NUP133: variants seen among roughly 807,000 people sequenced by gnomAD.
NUP133 encodes nuclear pore complex protein Nup133.
Under a neutral mutation model 146.2 loss-of-function variants are expected in NUP133, and 66 were observed. That is an observed-to-expected ratio of 0.45 (90% CI 0.37 to 0.55). NUP133 has a LOEUF of 0.55. Ranked by LOEUF, NUP133 falls within the 20% of genes least tolerant of loss-of-function variation. NUP133 has a pLI of 0.00. For missense variants in NUP133, 1,277 were observed against 1,374.8 expected (o/e 0.93, Z 1.12); for synonymous variants, 521 against 498.8 (o/e 1.04, Z -0.59).
intron 12 of NUP133, 141 bp downstream of exon 12, chr1:229,483,913 A>G (rs751237215): frequency 6.1e-5 from 36 of 592,890 alleles, no homozygotes; most frequent in Non-Finnish European, 1.0e-4. Context: ...ACAGTTTATT[A>G]AAGTGCTAAA....
At chr1:229,492,175 C>G (rs547967201) in intron 8 of NUP133, among the ~76,000 whole-genome samples, 6 of 150,838 alleles carry the variant, frequency 4.0e-5, no homozygotes, top group African/African-American at 1.5e-4. Context: ...GGCGTGATCT[C>G]GGCTCACTGC....
At chr1:229,453,826 T>G (rs912916843) in intron 21 of NUP133, among the ~76,000 whole-genome samples, 13 of 152,248 alleles carry the variant, frequency 8.5e-5, no homozygotes, top group Non-Finnish European at 7.3e-5. Context: ...TGATAAATTT[T>G]AACTTTTTAT....
At chr1:229,482,883 A>C (rs1661251949) in intron 12 of NUP133, among the ~76,000 whole-genome samples, 1 of 152,216 alleles carries the variant, frequency 6.6e-6, no homozygotes, top group South Asian at 2.1e-4. Context: ...ACAGGAATAG[A>C]GAGCGAGCTG....
intron 16 of NUP133, 107 bp from the exon 17 acceptor site, chr1:229,465,626 GGCCAGGAAT>G: frequency 1.2e-6 from 1 of 826,738 alleles, no homozygotes; most frequent in Non-Finnish European, 2.0e-6. Flanking sequence ...AATACTCAGG[GGCCAGGAAT>G]GTTGGCTCAC....
At position 229,463,577 on chromosome 1, in the gene NUP133, C is replaced by A. The variant is rs370204608; in HGVS notation, c.2651G>T (p.Arg884Leu). ...AAACTGGGTCATGTAGCGCTGGAGT[C>A]GGCTCTGGTTGTCAGTCTGCTCACA... ...QMCEQTDNQS[R>L]LQRYMTQFAD... Residue 884 changes from arginine (R) to leucine (L), a missense_variant, in exon 19 of 26, where the codon CGA becomes CTA. This residue lies in a region of NUP133 where 952 missense variants were observed against 1,047.0 expected (regional missense o/e 0.91). Transcript: ENST00000261396. The A allele has an allele frequency of 3.1e-6, 5 of 1,613,908 alleles. No homozygotes were observed. The highest frequency in any genetic ancestry group is 4.2e-6 in the Non-Finnish European group (5 of 1,180,000).
At chr1:229,498,994 G>A (rs1661728815) in intron 5 of NUP133, among the ~76,000 whole-genome samples, 1 of 152,056 alleles carries the variant, frequency 6.6e-6, no homozygotes, top group Non-Finnish European at 1.5e-5. Context: ...AATCTCCTGG[G>A]CTCAAGAGAT....
intron 2 of NUP133, among the ~76,000 whole-genome samples, chr1:229,502,577 A>AAAAG (rs1661831767): frequency 3.3e-5 from 5 of 150,738 alleles, no homozygotes; most frequent in African/African-American, 9.8e-5. Flanking sequence ...AAAAAAAAAA[A>AAAAG]AAAGAAAGAA....
chr1:229,502,123 G>C, intron 2 of NUP133, 21 bp from the exon 3 acceptor site: 1 of 1,555,682 alleles, frequency 6.4e-7, no homozygotes, highest in Non-Finnish European at 8.9e-7. Context: ...AAATGAGGTG[G>C]GTGATTAATC....
At chr1:229,494,178 A>C (rs1401064643) in intron 8 of NUP133, among the ~76,000 whole-genome samples, 1 of 152,194 alleles carries the variant, frequency 6.6e-6, no homozygotes, top group African/African-American at 2.4e-5. Context: ...ATATGCCCAT[A>C]GTGGGCTGTC....
At chr1:229,455,119 C>T (rs1660532839) in intron 21 of NUP133, among the ~76,000 whole-genome samples, 1 of 152,078 alleles carries the variant, frequency 6.6e-6, no homozygotes, top group East Asian at 1.9e-4. Flanking sequence ...ATATCCACTC[C>T]CTCAAAAGGA....
chr1:229,457,758 T>C (rs1353330736), intron 21 of NUP133, among the ~76,000 whole-genome samples: 1 of 152,232 alleles, frequency 6.6e-6, no homozygotes, highest in African/African-American at 2.4e-5. Flanking sequence ...CCAACTGTAC[T>C]ATATGTAATC....
chr1:229,475,925 T>C (rs1661063916), intron 13 of NUP133, among the ~76,000 whole-genome samples, 193 bp from the exon 14 acceptor site: 1 of 152,010 alleles, frequency 6.6e-6, no homozygotes, highest in African/African-American at 2.4e-5. Flanking sequence ...CTGGCAAACA[T>C]GGTGAAACCC....
At chr1:229,470,996 A>T (rs1216060207) in intron 14 of NUP133, among the ~76,000 whole-genome samples, 192 bp from the exon 15 acceptor site, 1 of 152,142 alleles carries the variant, frequency 6.6e-6, no homozygotes, top group Non-Finnish European at 1.5e-5. Context: ...AACACCCACA[A>T]GGAAATGTAG....
rs187284726 is a variant in NUP133, at chr1:229,482,952, C to A, written c.1592+1102G>T. Among the ~76,000 whole-genome samples the A allele has an allele frequency of 3.3e-3, 507 of 152,278 alleles. 5 individuals are homozygous for A. The highest frequency in any genetic ancestry group is 0.011 in the African/African-American group (450 of 41,536). On this transcript the variant is annotated intron_variant, in intron 12 of 25. Transcript: ENST00000261396. Reference sequence around the variant, plus strand: ...AAGAGCAGCCAGCCCAGCTGCAGACCAAAATGAGTGAGCCTACTCCGAAAA... The same window carrying A: ...AAGAGCAGCCAGCCCAGCTGCAGACAAAAATGAGTGAGCCTACTCCGAAAA...
At chr1:229,502,624 G>A (rs918727084) in intron 2 of NUP133, among the ~76,000 whole-genome samples, 3 of 151,192 alleles carry the variant, frequency 2.0e-5, no homozygotes, top group Non-Finnish European at 4.4e-5. Context: ...GTGTATTTGG[G>A]ACATTTAATA....
rs573847464 is a variant in NUP133, at chr1:229,506,164, GAA to G, written c.183-8_183-7del. ...ACATTCGTGTTGGTGTTCCCCTAAAGAAAAGAGTCTATATTACCTTACTTGTA... is the reference window on the plus strand; with the variant it reads ...ACATTCGTGTTGGTGTTCCCCTAAAGAAGAGTCTATATTACCTTACTTGTA... On this transcript the variant is annotated splice_region_variant and splice_polypyrimidine_tract_variant and intron_variant, in intron 1 of 25. Transcript: ENST00000261396. 6.5e-7 allele frequency: 1 copy of G among 1,535,070 alleles called. No individual in the cohort carries two copies.
At position 229,508,269 on chromosome 1, in the gene NUP133, T is replaced by G; in HGVS notation, c.-20A>C. On this transcript the variant is annotated 5_prime_UTR_variant, in exon 1 of 26. Transcript: ENST00000261396. The stretch of plus-strand genomic sequence containing the variant: ...GAACATGACTCCAAGGAGCAGCGAC[T>G]AGGACAGCGAGGGATCTGGCCGTCA... 2 of 1,460,920 alleles carry G rather than the reference T, an allele frequency of 1.4e-6. No individual in the cohort carries two copies. The highest frequency in any genetic ancestry group is 9.1e-7 in the Non-Finnish European group (1 of 1,103,182). The allele number at this position is 1,460,920 out of a possible 1,614,324, so 90.5% of individuals were successfully genotyped here.
At chr1:229,480,772 C>T (rs1377738620) in intron 12 of NUP133, among the ~76,000 whole-genome samples, 1 of 151,988 alleles carries the variant, frequency 6.6e-6, no homozygotes, top group African/African-American at 2.4e-5. Context: ...CTACAACCTC[C>T]GCCACCTGGG....
intron 14 of NUP133, among the ~76,000 whole-genome samples, chr1:229,471,699 T>C (rs1474602487): frequency 2.6e-5 from 4 of 152,232 alleles, no homozygotes; most frequent in African/African-American, 7.2e-5. Flanking sequence ...AAATAATGAA[T>C]ACTTTTTCAC....
Sources: gnomAD v4.1 joint callset for allele counts (sites outside exome capture counted in the v4.1 genomes callset) on GRCh38, gnomAD v4.1.1 for gene constraint, gnomAD v4.1.1 regional missense constraint, MANE v1.5 for transcripts, NCBI Gene and HGNC (gene_info 2026-07-23, HGNC 2026-07-21) for gene names.